The following PPP3CB variants were observed in gnomAD, a reference collection of about 807,000 sequenced individuals.
The protein encoded by PPP3CB is protein phosphatase 3 catalytic subunit beta, also known as serine/threonine-protein phosphatase 2B catalytic subunit beta isoform.
Under a neutral mutation model 66.4 loss-of-function variants are expected in PPP3CB, and 8 were observed. The ratio of observed to expected loss-of-function variants is 0.12; its 90% confidence interval spans 0.07 to 0.22. PPP3CB has a LOEUF of 0.22. PPP3CB is among the 10% of genes least tolerant of loss of function. The probability of loss-of-function intolerance (pLI) is 1.00; values close to 1 mark genes in which losing one functional copy is unlikely to be tolerated. For synonymous variants in PPP3CB, 208 were observed against 221.2 expected (o/e 0.94, Z 0.53); for missense variants, 319 against 642.5 (o/e 0.50, Z 5.44).
At position 73,438,292 on chromosome 10, in the gene PPP3CB, T is replaced by C; in HGVS notation, c.1525A>G (p.Thr509Ala). The C allele has an allele frequency of 1.9e-6, 3 of 1,614,134 alleles. No individual in the cohort carries two copies. Among genetic ancestry groups the C allele is most frequent in the Non-Finnish European group, 1.7e-6 (2 of 1,180,012 alleles). ...VQQDGFNSLN[T>A]AHATENHGTG... is the part of the protein sequence containing the mutation. ...CCGTGGTTCTCAGTGGCATGTGCGG[T>C]GTTCAGAGAATTGAAACCATCTTGC... is the stretch of plus-strand genomic sequence containing the variant. The change falls in exon 14 of 14, where the codon ACC (threonine) becomes GCC (alanine). Residue 509 changes from threonine to alanine, a missense_variant. This residue lies in a region of PPP3CB where 25 missense variants were observed against 26.4 expected (regional missense o/e 0.95). Transcript: ENST00000360663.
intron 12 of PPP3CB, 51 bp from the exon 13 acceptor site, chr10:73,439,952 G>A (rs1158255465): frequency 1.3e-6 from 2 of 1,545,994 alleles, no homozygotes; most frequent in East Asian, 2.3e-5. Flanking sequence ...AGATGAGAAG[G>A]GTCATATTGT....
chr10:73,482,717 A>C (rs1290828648), intron 1 of PPP3CB, among the ~76,000 whole-genome samples: 1 of 151,714 alleles, frequency 6.6e-6, no homozygotes, highest in Non-Finnish European at 1.5e-5. Flanking sequence ...TCCTGGGTTC[A>C]AGCGATCCTC....
chr10:73,455,669 C>T (rs899700675), intron 9 of PPP3CB, among the ~76,000 whole-genome samples: 2 of 152,104 alleles, frequency 1.3e-5, no homozygotes, highest in African/African-American at 4.8e-5. Flanking sequence ...CCCGGGTTCA[C>T]GCCATTCTCC....
intron 12 of PPP3CB, among the ~76,000 whole-genome samples, chr10:73,443,330 A>AAGAAAGAAAGAAAG (rs1458015567): frequency 8.0e-5 from 11 of 138,008 alleles, no homozygotes; most frequent in African/African-American, 3.0e-4. Flanking sequence ...GAAAGAAAGA[A>AAGAAAGAAAGAAAG]AAAGAAAGAG....
intron 10 of PPP3CB, chr10:73,448,800 G>C: frequency 2.0e-6 from 1 of 506,928 alleles, no homozygotes; most frequent in Non-Finnish European, 4.0e-6. Flanking sequence ...AATGAATGTA[G>C]AAAGAGAGAA....
chr10:73,443,661 TACTC>T (rs2056199795), intron 12 of PPP3CB: 1 of 152,374 alleles, frequency 6.6e-6, no homozygotes, highest in Non-Finnish European at 1.5e-5. Context: ...TGGTCACTAA[TACTC>T]ACATCACTCT....
At chr10:73,441,138 T>A (rs2056140074) in intron 12 of PPP3CB, among the ~76,000 whole-genome samples, 1 of 152,206 alleles carries the variant, frequency 6.6e-6, no homozygotes, top group Non-Finnish European at 1.5e-5. Context: ...AGAAATAATT[T>A]TATCCAAAGC....
At chr10:73,470,649 A>C in intron 8 of PPP3CB, 38 bp downstream of exon 8, 1 of 1,293,352 alleles carries the variant, frequency 7.7e-7, no homozygotes, top group Non-Finnish European at 1.1e-6. Context: ...TTAAAATACT[A>C]AGTTGTTTAA....
intron 11 of PPP3CB, among the ~76,000 whole-genome samples, chr10:73,446,236 A>G (rs2056250605): frequency 6.6e-6 from 1 of 150,884 alleles, no homozygotes; most frequent in Non-Finnish European, 1.5e-5. Flanking sequence ...AGTAGCTGGG[A>G]TTACAGGTGC....
At chr10:73,457,749 AAAAG>A (rs1554823098) in intron 9 of PPP3CB, among the ~76,000 whole-genome samples, 98 of 151,548 alleles carry the variant, frequency 6.5e-4, no homozygotes, top group Middle Eastern at 3.4e-3. Flanking sequence ...AAAAAAAAAA[AAAAG>A]AAAGAAAGAA....
chr10:73,467,622 G>A lies in PPP3CB; in HGVS notation c.1039C>T (p.Pro347Ser), dbSNP rs2056638257. The change falls in exon 9 of 14, where the codon CCA becomes TCA. Residue 347 changes from proline to serine, a missense_variant. Around this residue, in one of 5 missense-constraint regions of PPP3CB, gnomAD observed 120 missense variants for 331.2 expected, o/e 0.36. Coordinates refer to ENST00000360663, the MANE Select transcript of PPP3CB (RefSeq NM_021132.4). ...VMNIRQFNCSPHPYWLPNFMD... is the reference protein window; with the variant it reads ...VMNIRQFNCSSHPYWLPNFMD... Reference sequence around the variant, plus strand: ...AAATTAGGCAACCAGTAAGGATGTGGAGAACAGTTAAACTGTCGAATATTC... The same window carrying A: ...AAATTAGGCAACCAGTAAGGATGTGAAGAACAGTTAAACTGTCGAATATTC... 6.3e-7 allele frequency: 1 copy of A among 1,583,150 alleles called. No homozygotes were observed. The highest frequency in any genetic ancestry group is 8.6e-7 in the Non-Finnish European group (1 of 1,161,386).
rs753723728 is a variant in PPP3CB at position 73,436,488 on chromosome 10, A to G, written c.*1754T>C. The G allele has an allele frequency of 7.9e-5, 12 of 151,594 alleles. No homozygotes were observed. The highest frequency in any genetic ancestry group is 6.2e-4 in the South Asian group (3 of 4,826). 9.4% of individuals were successfully genotyped at this position (151,594 alleles called of 1,614,324 possible). A position where few individuals can be genotyped will look rare whatever the true frequency, so the allele number is the denominator to read the frequency against. On this transcript the variant is annotated 3_prime_UTR_variant, in exon 14 of 14. Transcript: ENST00000360663. ...CACCCAGTAAATTCCCAATACCACT[A>G]TAACAAAATTCTAGACAATAACATA...
chr10:73,459,627 C>T (rs2056488752), intron 9 of PPP3CB, among the ~76,000 whole-genome samples: 1 of 152,188 alleles, frequency 6.6e-6, no homozygotes, highest in Admixed American at 6.5e-5. Flanking sequence ...ACTACTATTC[C>T]ATCATAAAAA....
intron 12 of PPP3CB, among the ~76,000 whole-genome samples, chr10:73,441,927 G>A (rs1392027767): frequency 1.3e-5 from 2 of 152,188 alleles, no homozygotes; most frequent in East Asian, 3.9e-4. Context: ...AAATAGGCAC[G>A]AGGTCTTAGA....
chr10:73,441,416 T>G (rs1017363278), intron 12 of PPP3CB, among the ~76,000 whole-genome samples: 2 of 151,778 alleles, frequency 1.3e-5, no homozygotes, highest in African/African-American at 4.9e-5. Flanking sequence ...GGGCAACACA[T>G]AGAGAGACCT....
intron 8 of PPP3CB, among the ~76,000 whole-genome samples, chr10:73,469,050 T>C (rs552538082): frequency 6.6e-6 from 1 of 152,330 alleles, no homozygotes; most frequent in Admixed American, 6.5e-5. Context: ...AGACAGTCAA[T>C]GGTTTGAGCC....
chr10:73,490,603 A>C (rs1360684091), intron 1 of PPP3CB, among the ~76,000 whole-genome samples: 1 of 152,232 alleles, frequency 6.6e-6, no homozygotes, highest in Non-Finnish European at 1.5e-5. Flanking sequence ...TCCTTTTACC[A>C]AACTTTTCCT....
chr10:73,477,418 G>A (rs893570463), intron 3 of PPP3CB, among the ~76,000 whole-genome samples: 4 of 152,058 alleles, frequency 2.6e-5, no homozygotes, highest in Non-Finnish European at 4.4e-5. Context: ...ATTATGGTTT[G>A]TTTATTAGAT....
chr10:73,468,493 T>A (rs1281145949), intron 8 of PPP3CB, among the ~76,000 whole-genome samples: 2 of 152,340 alleles, frequency 1.3e-5, no homozygotes, highest in African/African-American at 4.8e-5. Flanking sequence ...ATTCAACTAA[T>A]GTGTTTCTCA....
Sources: allele counts gnomAD v4.1 joint callset (sites outside exome capture counted in the v4.1 genomes callset), GRCh38; gene constraint gnomAD v4.1.1; regional missense constraint gnomAD v4.1.1; transcripts MANE v1.5; gene names NCBI Gene and HGNC (gene_info 2026-07-23, HGNC 2026-07-21).